ZSWIM4: variants seen among roughly 807,000 people sequenced by gnomAD.
The protein encoded by ZSWIM4 is zinc finger SWIM-type containing 4.
Under a neutral mutation model 102.5 loss-of-function variants are expected in ZSWIM4, and 62 were observed. The observed-to-expected ratio is 0.60, with a 90% CI of 0.49 to 0.75. The LOEUF is 0.75. Among genes scored for constraint, ZSWIM4 ranks in the 30% least tolerant of loss-of-function variants. The pLI is 0.00. For missense variants in ZSWIM4, 1,280 were observed against 1,529.6 expected (o/e 0.84, Z 2.72); for synonymous variants, 652 against 674.5 (o/e 0.97, Z 0.52).
intron 12 of ZSWIM4, among the ~76,000 whole-genome samples, chr19:13,827,362 T>C (rs1450752968): frequency 1.3e-5 from 2 of 151,004 alleles, no homozygotes; most frequent in Non-Finnish European, 3.0e-5. Context: ...CCCAGCACTT[T>C]GGGAGGCCGA....
chr19:13,813,190 C>G (rs375505455), intron 6 of ZSWIM4, 26 bp downstream of exon 6: 2 of 1,574,974 alleles, frequency 1.3e-6, no homozygotes, highest in Admixed American at 1.7e-5. Flanking sequence ...CTTTACCATG[C>G]CCCCCAAAAA....
At chr19:13,816,230 G>A (rs953169025) in intron 7 of ZSWIM4, among the ~76,000 whole-genome samples, 1 of 152,084 alleles carries the variant, frequency 6.6e-6, no homozygotes, top group African/African-American at 2.4e-5. Flanking sequence ...GAAACATGGG[G>A]GCCCTGGGAC....
At chr19:13,819,669 ATTT>A (rs1975409511) in intron 10 of ZSWIM4, among the ~76,000 whole-genome samples, 177 bp downstream of exon 10, 1 of 151,056 alleles carries the variant, frequency 6.6e-6, no homozygotes, top group Non-Finnish European at 1.5e-5. Flanking sequence ...TTATTTATTT[ATTT>A]ATTTATTTAT....
chr19:13,812,337 A>C (rs1975120629), intron 5 of ZSWIM4, among the ~76,000 whole-genome samples: 1 of 151,924 alleles, frequency 6.6e-6, no homozygotes, highest in African/African-American at 2.4e-5. Flanking sequence ...TCTGTTGCCC[A>C]GGCTGGAGTA....
In ZSWIM4 at chr19:13,795,665, C is replaced by A; in HGVS notation, c.17C>A (p.Ala6Asp). The A allele has an allele frequency of 1.1e-6, 1 of 901,776 alleles. No homozygotes were observed. Among genetic ancestry groups the A allele is most frequent in the Non-Finnish European group, 1.4e-6 (1 of 702,862 alleles). 55.9% of individuals were successfully genotyped at this position (901,776 alleles called of 1,614,324 possible). A position where few individuals can be genotyped will look rare whatever the true frequency, so the allele number is the denominator to read the frequency against. Residue 6 changes from alanine (A) to aspartate (D), a missense_variant, in exon 1 of 14, where the codon GCC becomes GAC. Transcript: ENST00000590508. ...CCGGGCCGGATGGAACCCCCCGCGG[C>A]CAAGCGGAGCCGGGGCTGCCCCGCG... MEPPA[A>D]KRSRGCPAGP... is the part of the protein sequence containing the mutation.
intron 8 of ZSWIM4, 59 bp from the exon 9 acceptor site, chr19:13,817,663 C>T (rs56101774): frequency 5.7e-6 from 9 of 1,583,188 alleles, no homozygotes; most frequent in Non-Finnish European, 7.7e-6. Context: ...AGGCCAAGGG[C>T]TACAGGGACC....
At chr19:13,816,117 T>C (rs953089326) in intron 7 of ZSWIM4, among the ~76,000 whole-genome samples, 8 of 141,634 alleles carry the variant, frequency 5.6e-5, no homozygotes, top group Admixed American at 5.0e-4. Flanking sequence ...GTACTAGATA[T>C]GGGGGTGGGG....
In ZSWIM4 at chr19:13,800,018, G is replaced by A; in HGVS notation, c.355+97G>A. 3 of 1,236,554 alleles carry A rather than the reference G, an allele frequency of 2.4e-6. No individual in the cohort carries two copies. In the East Asian group the frequency reaches 7.6e-5, roughly 32 times the overall value. The allele number at this position is 1,236,554 out of a possible 1,614,324, so 76.6% of individuals were successfully genotyped here. A position where few individuals can be genotyped will look rare whatever the true frequency, so the allele number is the denominator to read the frequency against. On this transcript the variant is annotated intron_variant, in intron 2 of 13. Transcript: ENST00000590508. ...GAGGGAGGCCTGGGGCCAGGGGATG[G>A]GAGGTTACAGACCTCAGGCTTCGAG...
chr19:13,825,779 C>G lies in ZSWIM4; in HGVS notation c.2379+66C>G. The G allele has an allele frequency of 3.9e-6, 6 of 1,529,002 alleles. No homozygotes were observed. Among genetic ancestry groups the G allele is most frequent in the Non-Finnish European group, 5.3e-6 (6 of 1,140,876 alleles). The allele number at this position is 1,529,002 out of a possible 1,614,324, so 94.7% of individuals were successfully genotyped here. ...CGGGGCCAGGACTGACTGTGAGCTG[C>G]GCCTCCCGGGGCATGGGCTGAGTGT... On this transcript the variant is annotated intron_variant, in intron 12 of 13. Transcript: ENST00000590508. The surrounding 1 kb of genome is among the most constrained non-coding windows in gnomAD (Gnocchi z 4.6).
At chr19:13,803,257 A>T (rs546779124) in intron 2 of ZSWIM4, among the ~76,000 whole-genome samples, 3 of 152,330 alleles carry the variant, frequency 2.0e-5, no homozygotes, top group African/African-American at 7.2e-5. Flanking sequence ...GAGCTGCCGA[A>T]CCAGTCAGAT....
chr19:13,821,940 G>A (rs1975474613), intron 10 of ZSWIM4, among the ~76,000 whole-genome samples: 1 of 152,038 alleles, frequency 6.6e-6, no homozygotes, highest in Non-Finnish European at 1.5e-5. Context: ...TTTTCACCAT[G>A]TCAGCCGGGA....
In ZSWIM4 at chr19:13,830,957, G is replaced by A. The variant is rs1358777678; in HGVS notation, c.3228G>A (p.Gly1076=). ...AGACCTTCCTGCTGGCGCCCGACGG[G>A]CACCTCCAGTTCTCACAGTTCTTGG... The part of the protein sequence containing the change: ...ARETFLLAPD[G]HLQFSQFLEN... The change falls in exon 14 of 14, where the codon GGG becomes GGA. Residue 1076 remains glycine, a synonymous_variant. Coordinates refer to ENST00000590508, the MANE Select transcript of ZSWIM4 (RefSeq NM_001367834.3). 1 of 1,614,206 alleles carries A rather than the reference G, an allele frequency of 6.2e-7. No individual in the cohort carries two copies. Among genetic ancestry groups the A allele is most frequent in the Admixed American group, 1.7e-5 (1 of 60,024 alleles).
chr19:13,804,919 C>T lies in ZSWIM4; in HGVS notation c.483C>T (p.Asp161=). The T allele has an allele frequency of 1.2e-6, 2 of 1,613,588 alleles. No individual in the cohort carries two copies. The highest frequency in any genetic ancestry group is 2.2e-5 in the South Asian group (2 of 91,090). The change falls in exon 3 of 14, where the codon GAC becomes GAT. Residue 161 remains aspartate (D), a synonymous_variant. Coordinates refer to ENST00000590508, the MANE Select transcript of ZSWIM4 (RefSeq NM_001367834.3). ...TGAGCTGCGGCTGTGACAACCGCGACCTCTTCTACTGTGCCCACGTGGTGG... is the reference window on the plus strand; with the variant it reads ...TGAGCTGCGGCTGTGACAACCGCGATCTCTTCTACTGTGCCCACGTGGTGG... ...TSVSCGCDNR[D]LFYCAHVVAL...
intron 1 of ZSWIM4, among the ~76,000 whole-genome samples, chr19:13,797,152 G>A (rs1974633784): frequency 6.6e-6 from 1 of 152,220 alleles, no homozygotes; most frequent in South Asian, 2.1e-4. Flanking sequence ...ACCCACAGAA[G>A]CTCATGGAAT....
At position 13,830,998 on chromosome 19, in the gene ZSWIM4, C is replaced by T. The variant is rs1332321197; in HGVS notation, c.3269C>T (p.Thr1090Ile). The change falls in exon 14 of 14, where the codon ACC becomes ATC. Residue 1090 changes from threonine to isoleucine, a missense_variant. Coordinates refer to ENST00000590508, the MANE Select transcript of ZSWIM4 (RefSeq NM_001367834.3). ...CAGTTCTTGGAGAACCTCAAACAGA[C>T]CTACAAGGGCAAGAAGAAACTCATG... ...FSQFLENLKQ[T>I]YKGKKKLMLL... 6.2e-7 allele frequency: 1 copy of T among 1,610,618 alleles called. No individual in the cohort carries two copies. The highest frequency in any genetic ancestry group is 8.5e-7 in the Non-Finnish European group (1 of 1,178,884).
chr19:13,800,051 T>C (rs370746918), intron 2 of ZSWIM4, 130 bp downstream of exon 2: 4 of 737,052 alleles, frequency 5.4e-6, no homozygotes, highest in East Asian at 2.9e-5. Flanking sequence ...GAGGCCCAGA[T>C]AGGATTGTAC....
Position 13,817,324 on chromosome 19 carries a change from TGGA to T in ZSWIM4, c.1648_1650del (p.Glu550del), listed in dbSNP as rs769367102. 1.1e-5 allele frequency: 18 copies of T among 1,613,816 alleles called. No homozygotes were observed. In the South Asian group the frequency reaches 1.6e-4, roughly 15 times the overall value. ...AGGGCGCTCCTGGAGGCCTGTCGTC[TGGA>T]GGAGGAGACACTTACCCTTTACCCA... On this transcript the variant is annotated inframe_deletion, in exon 8 of 14. Coordinates refer to ENST00000590508, the MANE Select transcript of ZSWIM4 (RefSeq NM_001367834.3).
At chr19:13,815,048 G>C (rs550650038) in intron 7 of ZSWIM4, 183 bp downstream of exon 7, 1 of 262,376 alleles carries the variant, frequency 3.8e-6, no homozygotes, top group African/African-American at 2.3e-5. Context: ...TGTAGTCCCA[G>C]CTACTCTGTA....
chr19:13,805,263 G>A (rs1479805242), intron 3 of ZSWIM4, 115 bp downstream of exon 3: 32 of 929,742 alleles, frequency 3.4e-5, no homozygotes, highest in South Asian at 1.1e-4. Context: ...GGCGGGGGGC[G>A]GAAAACGCGC....
Sources: gnomAD v4.1 joint callset for allele counts (sites outside exome capture counted in the v4.1 genomes callset) on GRCh38, gnomAD v4.1.1 for gene constraint, Gnocchi (gnomAD v3.1) non-coding constraint, MANE v1.5 for transcripts, NCBI Gene and HGNC (gene_info 2026-07-23, HGNC 2026-07-21) for gene names.